The following LPP variants were observed in gnomAD, a reference collection of about 807,000 sequenced individuals.
LPP encodes the protein LIM domain containing preferred translocation partner in lipoma, also known as lipoma-preferred partner.
Under a neutral mutation model 60.4 loss-of-function variants are expected in LPP, and 38 were observed. That is an observed-to-expected ratio of 0.63 (90% CI 0.49 to 0.83). LPP has a LOEUF of 0.83. LPP is among the 40% of genes least tolerant of loss of function. The probability of loss-of-function intolerance (pLI) is 0.00; values close to 1 mark genes in which losing one functional copy is unlikely to be tolerated. For synonymous variants in LPP, 328 were observed against 290.8 expected, an observed-to-expected ratio of 1.13 and a Z score of -1.30; for missense variants, 902 against 783.6, an observed-to-expected ratio of 1.15 and a Z score of -1.80.
intron 5 of LPP, among the ~76,000 whole-genome samples, chr3:188,508,403 C>T (rs1183736317): frequency 6.6e-6 from 1 of 152,212 alleles, no homozygotes; most frequent in African/African-American, 2.4e-5. Flanking sequence ...AGGGACTATA[C>T]AGTCTCCAGA....
At chr3:188,544,776 A>C (rs1826098746) in intron 6 of LPP, among the ~76,000 whole-genome samples, 1 of 41,636 alleles carries the variant, frequency 2.4e-5, no homozygotes, top group Non-Finnish European at 4.9e-5. Flanking sequence ...ATGACTATAA[A>C]TCATGCTGCT....
chr3:188,535,109 G>A (rs904723825), intron 6 of LPP, among the ~76,000 whole-genome samples: 1 of 150,508 alleles, frequency 6.6e-6, no homozygotes, highest in Admixed American at 6.6e-5. Flanking sequence ...TTACAAATGC[G>A]GACAGAACCA....
intron 9 of LPP, among the ~76,000 whole-genome samples, chr3:188,812,227 T>C (rs772758332): frequency 3.3e-5 from 5 of 152,202 alleles, no homozygotes; most frequent in Non-Finnish European, 5.9e-5. Flanking sequence ...TTTTGGTTAC[T>C]CTGCTTTTCC....
intron 9 of LPP, among the ~76,000 whole-genome samples, chr3:188,860,765 G>T (rs1225236198): frequency 6.6e-6 from 1 of 152,178 alleles, no homozygotes; most frequent in African/African-American, 2.4e-5. Flanking sequence ...ATCCAACGAC[G>T]AGTTTTCTCT....
At chr3:188,294,748 A>ACACT in intron 2 of LPP, among the ~76,000 whole-genome samples, 1 of 152,346 alleles carries the variant, frequency 6.6e-6, no homozygotes, top group South Asian at 2.1e-4. Context: ...AATGATAGTT[A>ACACT]ATTTTCTTAT....
chr3:188,386,821 G>A (rs573093722), intron 3 of LPP, among the ~76,000 whole-genome samples: 10 of 152,232 alleles, frequency 6.6e-5, no homozygotes, highest in African/African-American at 2.2e-4. Context: ...GCATTTTGCA[G>A]GGTTTTCAAA....
At chr3:188,715,069 G>GATAT (rs1713251335) in intron 8 of LPP, among the ~76,000 whole-genome samples, 1 of 152,006 alleles carries the variant, frequency 6.6e-6, no homozygotes, top group Non-Finnish European at 1.5e-5. Context: ...ACTAAAGGAG[G>GATAT]CTCTCAGTTC....
At chr3:188,326,582 C>T (rs766960824) in intron 2 of LPP, among the ~76,000 whole-genome samples, 2 of 152,096 alleles carry the variant, frequency 1.3e-5, no homozygotes, top group African/African-American at 2.4e-5. Flanking sequence ...AGTTACGAGT[C>T]TTATCAGGTA....
At chr3:188,649,245 C>T (rs1388580379) in intron 7 of LPP, among the ~76,000 whole-genome samples, 2 of 152,308 alleles carry the variant, frequency 1.3e-5, no homozygotes, top group African/African-American at 2.4e-5. Flanking sequence ...ATGTCATGCT[C>T]TGACAGTAGC....
chr3:188,557,718 A>G (rs558078578), intron 6 of LPP, among the ~76,000 whole-genome samples: 21 of 152,240 alleles, frequency 1.4e-4, no homozygotes, highest in Non-Finnish European at 2.9e-4. Flanking sequence ...GAGGGAAACT[A>G]GAGGTTGTAC....
intron 9 of LPP, among the ~76,000 whole-genome samples, chr3:188,790,596 G>A (rs762763143): frequency 6.6e-6 from 1 of 151,994 alleles, no homozygotes; most frequent in Admixed American, 6.6e-5. Context: ...TTTGGGAGGC[G>A]AATCACCTGA....
intron 2 of LPP, among the ~76,000 whole-genome samples, chr3:188,274,465 C>T (rs1738956808): frequency 6.6e-6 from 1 of 152,188 alleles, no homozygotes; most frequent in Non-Finnish European, 1.5e-5. Context: ...CCAGGTAGCT[C>T]TGGCAAATGA....
At chr3:188,465,311 A>G (rs9784257) in intron 4 of LPP, among the ~76,000 whole-genome samples, 103,281 of 151,934 alleles carry the variant, frequency 0.68, 35,099 homozygotes, top group Admixed American at 0.72. Context: ...GTGGGTTGGG[A>G]TTAATATGAG....
intron 1 of LPP, among the ~76,000 whole-genome samples, chr3:188,160,470 A>G (rs1416271833): frequency 6.6e-6 from 1 of 152,270 alleles, no homozygotes; most frequent in East Asian, 1.9e-4. Flanking sequence ...CTGGGATTAC[A>G]GGAGTGAACC....
chr3:188,473,418 G>C (rs1328191787), intron 4 of LPP, among the ~76,000 whole-genome samples: 1 of 152,170 alleles, frequency 6.6e-6, no homozygotes, highest in Non-Finnish European at 1.5e-5. Flanking sequence ...TAATTTCAGA[G>C]AGAGAGTTGT....
At position 188,885,616 on chromosome 3, in the gene LPP, T is replaced by C. The variant is rs1227066819; in HGVS notation, c.*11137T>C. The C allele has an allele frequency of 6.3e-6, 1 of 158,102 alleles. No homozygotes were observed. Among genetic ancestry groups the C allele is most frequent in the Non-Finnish European group, 1.4e-5 (1 of 71,346 alleles). The allele number at this position is 158,102 out of a possible 1,614,324, so 9.8% of individuals were successfully genotyped here. On this transcript the variant is annotated 3_prime_UTR_variant, in exon 12 of 12. Coordinates refer to ENST00000617246, the MANE Select transcript of LPP (RefSeq NM_001375462.1). Reference sequence around the variant, plus strand: ...ATAAACATAAGTGTGCATGTGTCTTTATAGCAGCATGATTTATAATCCTTT... The same window carrying C: ...ATAAACATAAGTGTGCATGTGTCTTCATAGCAGCATGATTTATAATCCTTT...
chr3:188,855,198 T>C (rs1763538163), intron 9 of LPP, among the ~76,000 whole-genome samples: 2 of 152,236 alleles, frequency 1.3e-5, no homozygotes, highest in African/African-American at 4.8e-5. Flanking sequence ...TTAAAAGATA[T>C]ATTCTTGCTG....
chr3:188,750,289 GA>G (rs1490242381), intron 8 of LPP, among the ~76,000 whole-genome samples: 5 of 152,144 alleles, frequency 3.3e-5, no homozygotes, highest in African/African-American at 1.2e-4. Flanking sequence ...TTCTAAAATG[GA>G]AAGGGTAATA....
intron 2 of LPP, among the ~76,000 whole-genome samples, chr3:188,291,666 A>G (rs1746022502): frequency 7.0e-6 from 1 of 143,084 alleles, no homozygotes; most frequent in Admixed American, 7.0e-5. Context: ...AAAAAAAAAG[A>G]GAAAGGACAT....
Sources: gnomAD v4.1 joint callset for allele counts (sites outside exome capture counted in the v4.1 genomes callset) on GRCh38, gnomAD v4.1.1 for gene constraint, MANE v1.5 for transcripts, NCBI Gene and HGNC (gene_info 2026-07-23, HGNC 2026-07-21) for gene names.